The following HMG20A variants were observed in gnomAD, a reference collection of about 807,000 sequenced individuals.
The protein encoded by HMG20A is high mobility group protein 20A.
In HMG20A, 17 loss-of-function variants were observed where a neutral mutation model predicts 43.9. The observed-to-expected ratio is 0.39, with a 90% CI of 0.27 to 0.58. The LOEUF is 0.58. Ranked by LOEUF, HMG20A falls within the 20% of genes least tolerant of loss-of-function variation. The pLI is 0.59. For missense variants in HMG20A, 341 were observed against 438.2 expected, an observed-to-expected ratio of 0.78 and a Z score of 1.98; for synonymous variants, 132 against 147.5, an observed-to-expected ratio of 0.89 and a Z score of 0.76.
chr15:77,500,340 C>T, the HMG20A span, among the ~76,000 whole-genome samples: 1 of 152,098 alleles, frequency 6.6e-6, no homozygotes, highest in Non-Finnish European at 1.5e-5. Context: ...AACCCATGTT[C>T]GAAAGTATTT....
chr15:77,462,028 A>G (rs1448738439), intron 2 of HMG20A, among the ~76,000 whole-genome samples: 3 of 152,160 alleles, frequency 2.0e-5, no homozygotes, highest in Admixed American at 6.5e-5. Flanking sequence ...TGCTAAAATC[A>G]TCTATTATGT....
chr15:77,436,019 C>T (rs2073543832), intron 1 of HMG20A, among the ~76,000 whole-genome samples: 1 of 152,196 alleles, frequency 6.6e-6, no homozygotes. Flanking sequence ...ATCTACTATA[C>T]TTGCTGGAAA....
At position 77,468,572 on chromosome 15, in the gene HMG20A, T is replaced by TTA. The variant is rs1230108806; in HGVS notation, c.450+1266_450+1267insAT. On this transcript the variant is annotated intron_variant, in intron 4 of 9. Transcript: ENST00000336216. Reference sequence around the variant, plus strand: ...TCTTATACTTTTGCATGCTCAGTCTTTCTCTCTCTCTCTCTCTCTCTCTGT... The same window carrying TTA: ...TCTTATACTTTTGCATGCTCAGTCTTTATCTCTCTCTCTCTCTCTCTCTCTGT... Among the ~76,000 whole-genome samples, 678 of 141,966 alleles carry TTA rather than the reference T, an allele frequency of 4.8e-3. 4 individuals are homozygous for TTA. The highest frequency in any genetic ancestry group is 0.011 in the Admixed American group (157 of 14,056). 93.1% of individuals were successfully genotyped at this position (141,966 alleles called of 152,430 possible).
chr15:77,491,254 T>TA, the HMG20A span, among the ~76,000 whole-genome samples: 1 of 152,200 alleles, frequency 6.6e-6, no homozygotes, highest in Non-Finnish European at 1.5e-5. Flanking sequence ...TCAGAAGGTT[T>TA]AAAGACTCAG....
intron 1 of HMG20A, among the ~76,000 whole-genome samples, chr15:77,426,825 T>C (rs2073432622): frequency 6.6e-6 from 1 of 152,146 alleles, no homozygotes; most frequent in Non-Finnish European, 1.5e-5. Flanking sequence ...CTTTCTCAGA[T>C]CCTAGAGAGA....
Position 77,478,377 on chromosome 15 carries a change from G to A in HMG20A, c.774G>A (p.Glu258=), listed in dbSNP as rs1273018362. 1 of 1,613,664 alleles carries A rather than the reference G, an allele frequency of 6.2e-7. No homozygotes were observed. The change falls in exon 8 of 10, where the codon GAG becomes GAA. Residue 258 remains glutamate, a synonymous_variant. Transcript: ENST00000336216. ...ATGCAGCCCTGCAAAAGCACGTGGAGAGCATGCGCACAGCAGTGGAGAAGC... is the reference window on the plus strand; with the variant it reads ...ATGCAGCCCTGCAAAAGCACGTGGAAAGCATGCGCACAGCAGTGGAGAAGC... The part of the protein sequence containing the change: ...ERNAALQKHV[E]SMRTAVEKLE...
chr15:77,450,168 C>T lies in HMG20A; in HGVS notation c.-4-8236C>T, dbSNP rs138872793. On this transcript the variant is annotated intron_variant, in intron 1 of 9. Coordinates refer to ENST00000336216, the MANE Select transcript of HMG20A (RefSeq NM_001304504.2). ...TTTTTGAGACAGAGTCTTGCTTTGTCGCCCAGGCTGGAGTGCAGTGGCACG... is the reference window on the plus strand; with the variant it reads ...TTTTTGAGACAGAGTCTTGCTTTGTTGCCCAGGCTGGAGTGCAGTGGCACG... Among the ~76,000 whole-genome samples the T allele has an allele frequency of 7.2e-3, 1,090 of 151,876 alleles. 14 individuals are homozygous for T. The highest frequency in any genetic ancestry group is 0.025 in the African/African-American group (1,035 of 41,410).
At position 77,467,171 on chromosome 15, in the gene HMG20A, C is replaced by T. The variant is rs1446182101; in HGVS notation, c.314C>T (p.Ser105Phe). Reference sequence around the variant, plus strand: ...CTTCGAGACAGCAATGCACCCAAATCCCCCCTTACAGGATATGTTCGGTTC... The same window carrying T: ...CTTCGAGACAGCAATGCACCCAAATTCCCCCTTACAGGATATGTTCGGTTC... ...KPLRDSNAPK[S>F]PLTGYVRFMN... The change falls in exon 4 of 10, where the codon TCC (serine) becomes TTC (phenylalanine). Residue 105 changes from serine to phenylalanine, a missense_variant. Transcript: ENST00000336216. 1.2e-5 allele frequency: 19 copies of T among 1,614,020 alleles called. No homozygotes were observed. Among genetic ancestry groups the T allele is most frequent in the Non-Finnish European group, 1.6e-5 (19 of 1,179,962 alleles).
At chr15:77,424,663 G>A (rs558352535) in intron 1 of HMG20A, among the ~76,000 whole-genome samples, 2 of 152,156 alleles carry the variant, frequency 1.3e-5, no homozygotes, top group South Asian at 4.1e-4. Context: ...GACTGACTGA[G>A]CTTCAGCCTT....
At chr15:77,502,945 C>T in the HMG20A span, among the ~76,000 whole-genome samples, 3 of 152,210 alleles carry the variant, frequency 2.0e-5, no homozygotes, top group East Asian at 5.8e-4. Flanking sequence ...CCAGGCTAGG[C>T]AACAGAGTGA....
At chr15:77,505,264 G>C in the HMG20A span, among the ~76,000 whole-genome samples, 1 of 152,258 alleles carries the variant, frequency 6.6e-6, no homozygotes, top group African/African-American at 2.4e-5. Context: ...CGACAAGGCT[G>C]AAGCAGGCAG....
chr15:77,517,041 C>T, the HMG20A span, among the ~76,000 whole-genome samples: 180 of 152,310 alleles, frequency 1.2e-3, 1 homozygote, highest in Non-Finnish European at 1.1e-3. Flanking sequence ...AGTCTTGGCA[C>T]CTGGAGTTCC....
chr15:77,509,598 GTGTGTGTGTC>G, the HMG20A span, among the ~76,000 whole-genome samples: 1 of 130,098 alleles, frequency 7.7e-6, no homozygotes, highest in Non-Finnish European at 1.7e-5. Context: ...GTGTGTGTGT[GTGTGTGTGTC>G]TTAAAGAACT....
chr15:77,447,575 T>C (rs756121305), intron 1 of HMG20A: 3 of 152,206 alleles, frequency 2.0e-5, no homozygotes, highest in Non-Finnish European at 4.4e-5. Context: ...TAAGAAGATA[T>C]CTGATTTAAG....
the HMG20A span, among the ~76,000 whole-genome samples, chr15:77,507,956 C>T: frequency 3.3e-5 from 5 of 152,096 alleles, no homozygotes. Context: ...GGGGGCCCAC[C>T]CCAAGCACAC....
chr15:77,518,658 G>A, the HMG20A span, among the ~76,000 whole-genome samples: 7 of 152,192 alleles, frequency 4.6e-5, no homozygotes, highest in South Asian at 2.1e-4. Context: ...ACACTCAGGC[G>A]GAGCCTTGCC....
intron 2 of HMG20A, 53 bp from the exon 3 acceptor site, chr15:77,464,187 C>T: frequency 6.3e-7 from 1 of 1,593,044 alleles, no homozygotes; most frequent in African/African-American, 1.3e-5. Context: ...TATCTAGAAC[C>T]TTAGTAAATA....
the HMG20A span, among the ~76,000 whole-genome samples, chr15:77,510,088 C>G: frequency 3.3e-5 from 5 of 152,172 alleles, no homozygotes; most frequent in Non-Finnish European, 5.9e-5. Flanking sequence ...CCTAGCCCCC[C>G]ACAGGGGCAT....
chr15:77,471,188 A>C, intron 5 of HMG20A, 146 bp downstream of exon 5: 3 of 759,116 alleles, frequency 4.0e-6, no homozygotes, highest in Non-Finnish European at 5.8e-6. Flanking sequence ...TTATCTTGAA[A>C]TTTTATTAAA....
Sources: allele counts gnomAD v4.1 joint callset (sites outside exome capture counted in the v4.1 genomes callset), GRCh38; gene constraint gnomAD v4.1.1; transcripts MANE v1.5; gene names NCBI Gene and HGNC (gene_info 2026-07-23, HGNC 2026-07-21).